The following HTR6 variants were observed in gnomAD, a reference collection of about 807,000 sequenced individuals.
HTR6 encodes the protein 5-hydroxytryptamine receptor 6, also known as 5-hydroxytryptamine (serotonin) receptor 6, G protein-coupled.
In HTR6, 15 loss-of-function variants were observed where a neutral mutation model predicts 17.4. The observed-to-expected ratio is 0.86, with a 90% CI of 0.58 to 1.33. The LOEUF is 1.33. Ranked by LOEUF, HTR6 falls within the 40% of genes most tolerant of loss-of-function variation. The pLI, the probability that HTR6 is intolerant of heterozygous loss-of-function variation, is 0.00. For missense variants in HTR6, 578 were observed against 616.0 expected (o/e 0.94, Z 0.65); for synonymous variants, 326 against 295.5 (o/e 1.10, Z -1.06).
Position 19,666,236 on chromosome 1 carries a change from C to T in HTR6, c.483C>T (p.Pro161=), listed in dbSNP as rs1485579179. Residue 161 remains proline, a synonymous_variant, in exon 1 of 3, where the codon CCC becomes CCT. Coordinates refer to ENST00000289753, the MANE Select transcript of HTR6 (RefSeq NM_000871.3). The surrounding 1 kb of genome is among the most constrained non-coding windows in gnomAD (Gnocchi z 4.5). Reference sequence around the variant, plus strand: ...TCGCCGCTCTCGCCTCCTTCCTGCCCCTGCTGCTGGGCTGGCACGAGCTGG... The same window carrying T: ...TCGCCGCTCTCGCCTCCTTCCTGCCTCTGCTGCTGGGCTGGCACGAGCTGG... ...WSLAALASFL[P]LLLGWHELGH... The T allele has an allele frequency of 6.2e-7, 1 of 1,609,088 alleles. No homozygotes were observed. The highest frequency in any genetic ancestry group is 8.5e-7 in the Non-Finnish European group (1 of 1,179,500).
At chr1:19,677,931 G>A (rs2095096334) in intron 1 of HTR6, among the ~76,000 whole-genome samples, 1 of 152,194 alleles carries the variant, frequency 6.6e-6, no homozygotes, top group South Asian at 2.1e-4. Context: ...GTAGAGGCAA[G>A]GTTTCACCCT....
At position 19,679,006 on chromosome 1, in the gene HTR6, CCACTCTT is replaced by C; in HGVS notation, c.964_970del (p.Leu322CysfsTer130). 6.2e-7 allele frequency: 1 copy of C among 1,614,180 alleles called. No individual in the cohort carries two copies. The highest frequency in any genetic ancestry group is 1.7e-5 in the Admixed American group (1 of 60,026). On this transcript the variant is annotated frameshift_variant, in exon 3 of 3. Transcript: ENST00000289753. LOFTEE classifies it low-confidence loss of function (END_TRUNC). This position sits in a 1 kb window ranked among gnomAD's most constrained non-coding sequence, Gnocchi z 4.9. ...CAGCACCATGAACCCCATCATCTAC[CCACTCTT>C]CATGCGGGACTTCAAGCGGGCGCTG...
rs2095098449 is a variant in HTR6, at chr1:19,679,198, G to GACGCAT, written c.1153_1154insACGCAT (p.Gly385delinsAspAlaCys). 8 of 1,571,906 alleles carry GACGCAT rather than the reference G, an allele frequency of 5.1e-6. No individual in the cohort carries two copies. The highest frequency in any genetic ancestry group is 6.9e-6 in the Non-Finnish European group (8 of 1,161,448). Reference sequence around the variant, plus strand: ...GGACTCAGATTCGGACTCAGACGCAGGCTCAGGCGGCTCCTCGGGCCTGCG... The same window carrying GACGCAT: ...GGACTCAGATTCGGACTCAGACGCAGACGCATGCTCAGGCGGCTCCTCGGGCCTGCG... On this transcript the variant is annotated protein_altering_variant, in exon 3 of 3. Coordinates refer to ENST00000289753, the MANE Select transcript of HTR6 (RefSeq NM_000871.3). The surrounding 1 kb of genome is among the most constrained non-coding windows in gnomAD (Gnocchi z 4.9).
intron 1 of HTR6, among the ~76,000 whole-genome samples, chr1:19,669,549 C>A (rs1458824828): frequency 6.6e-6 from 1 of 152,138 alleles, no homozygotes; most frequent in Non-Finnish European, 1.5e-5. Context: ...GGCAGTGATG[C>A]TCTTGAAATG....
rs769655924 is a variant in HTR6, at chr1:19,666,262, G to C, written c.509G>C (p.Gly170Ala). The C allele has an allele frequency of 6.2e-7, 1 of 1,609,814 alleles. No individual in the cohort carries two copies. The highest frequency in any genetic ancestry group is 8.5e-7 in the Non-Finnish European group (1 of 1,179,614). ...CTGCTGCTGGGCTGGCACGAGCTGGGCCACGCACGGCCACCCGTCCCTGGC... is the reference window on the plus strand; with the variant it reads ...CTGCTGCTGGGCTGGCACGAGCTGGCCCACGCACGGCCACCCGTCCCTGGC... ...LPLLLGWHEL[G>A]HARPPVPGQC... is the part of the protein sequence containing the mutation. Residue 170 changes from glycine (G) to alanine (A), a missense_variant, in exon 1 of 3, where the codon GGC becomes GCC. Gly to Ala is a moderately conservative substitution (Grantham distance 60, BLOSUM62 0). Coordinates refer to ENST00000289753, the MANE Select transcript of HTR6 (RefSeq NM_000871.3). This position sits in a 1 kb window ranked among gnomAD's most constrained non-coding sequence, Gnocchi z 4.5.
At position 19,665,949 on chromosome 1, in the gene HTR6, G is replaced by C; in HGVS notation, c.196G>C (p.Val66Leu). Residue 66 changes from valine (V) to leucine (L), a missense_variant, in exon 1 of 3, where the codon GTG (valine) becomes CTG (leucine). Val to Leu is a conservative substitution (Grantham distance 32). Transcript: ENST00000289753. This position sits in a 1 kb window ranked among gnomAD's most constrained non-coding sequence, Gnocchi z 4.2. ...ALRNTSNFFLVSLFTSDLMVG... is the reference protein window; with the variant it reads ...ALRNTSNFFLLSLFTSDLMVG... ...GCGCAACACGTCCAACTTCTTCCTG[G>C]TGTCGCTCTTCACGTCTGACCTGAT... The C allele has an allele frequency of 6.2e-7, 1 of 1,613,888 alleles. No homozygotes were observed. The highest frequency in any genetic ancestry group is 8.5e-7 in the Non-Finnish European group (1 of 1,179,886).
chr1:19,667,464 G>A (rs1462870777), intron 1 of HTR6, among the ~76,000 whole-genome samples: 1 of 151,830 alleles, frequency 6.6e-6, no homozygotes, highest in Non-Finnish European at 1.5e-5. Flanking sequence ...TGCCCAGGCT[G>A]GAGGGCAGTG....
At position 19,666,611 on chromosome 1, in the gene HTR6, C is replaced by G; in HGVS notation, c.714+144C>G. ...TGAGCGCCCACCTTTCTTCTGAACT[C>G]CAGAGCCAATGCCTGACCCACCCAC... On this transcript the variant is annotated intron_variant, in intron 1 of 2. Coordinates refer to ENST00000289753, the MANE Select transcript of HTR6 (RefSeq NM_000871.3). This position sits in a 1 kb window ranked among gnomAD's most constrained non-coding sequence, Gnocchi z 4.5. 3.1e-6 allele frequency: 2 copies of G among 645,856 alleles called. No homozygotes were observed. Among genetic ancestry groups the G allele is most frequent in the South Asian group, 2.0e-5 (1 of 50,784 alleles). 40.0% of individuals were successfully genotyped at this position (645,856 alleles called of 1,614,324 possible).
chr1:19,678,530 C>A, intron 1 of HTR6, 37 bp from the exon 2 acceptor site: 2 of 1,611,730 alleles, frequency 1.2e-6, no homozygotes, highest in Non-Finnish European at 1.7e-6. Flanking sequence ...GACGGGGGCC[C>A]TTTCTCAACG....
intron 1 of HTR6, among the ~76,000 whole-genome samples, chr1:19,671,308 T>C (rs1310784404): frequency 6.6e-6 from 1 of 152,188 alleles, no homozygotes; most frequent in Admixed American, 6.5e-5. Flanking sequence ...CAGGGGCCTC[T>C]CAAGCCAGAA....
chr1:19,679,286 C>A lies in HTR6; in HGVS notation c.1241C>A (p.Ala414Asp). ...ATQDPPLPTR[A>D]AAAVNFFNID... is the part of the protein sequence containing the mutation. ...CAGGACCCCCCGCTGCCCACCAGGG[C>A]CGCTGCCGCCGTCAATTTCTTCAAC... is the stretch of plus-strand genomic sequence containing the variant. The change falls in exon 3 of 3, where the codon GCC (alanine) becomes GAC (aspartate). Residue 414 changes from alanine (A) to aspartate (D), a missense_variant. Physicochemically the swap from Ala to Asp is moderately radical, Grantham distance 126. Transcript: ENST00000289753. This position sits in a 1 kb window ranked among gnomAD's most constrained non-coding sequence, Gnocchi z 4.9. The A allele has an allele frequency of 1.2e-6, 2 of 1,606,580 alleles. No individual in the cohort carries two copies. The highest frequency in any genetic ancestry group is 1.7e-6 in the Non-Finnish European group (2 of 1,177,792).
chr1:19,675,573 C>T (rs1222828162), intron 1 of HTR6, among the ~76,000 whole-genome samples: 1 of 152,110 alleles, frequency 6.6e-6, no homozygotes, highest in Non-Finnish European at 1.5e-5. Flanking sequence ...CATCTTCACC[C>T]CATTCTCTGG....
chr1:19,666,489 A>AC lies in HTR6; in HGVS notation c.714+25dup, dbSNP rs982966602. On this transcript the variant is annotated intron_variant, in intron 1 of 2. Coordinates refer to ENST00000289753, the MANE Select transcript of HTR6 (RefSeq NM_000871.3). The surrounding 1 kb of genome is among the most constrained non-coding windows in gnomAD (Gnocchi z 4.5). ...GCAGGTACCTGGGGTGCGCAGGGAG[A>AC]CCCGGGCTGTGGGATAGAGAGGAAT... The AC allele has an allele frequency of 1.9e-6, 3 of 1,556,858 alleles. No individual in the cohort carries two copies. The African/African-American group carries it at 4.1e-5, about 21-fold the overall frequency.
At chr1:19,678,816 G>A (rs1057339379) in intron 2 of HTR6, 91 bp downstream of exon 2, 2 of 1,558,494 alleles carry the variant, frequency 1.3e-6, no homozygotes, top group Non-Finnish European at 1.7e-6. Context: ...AGGGTAGGCT[G>A]CCTCTCGTGG....
intron 1 of HTR6, among the ~76,000 whole-genome samples, chr1:19,676,666 G>A (rs1305797017): frequency 6.6e-6 from 1 of 152,172 alleles, no homozygotes; most frequent in Non-Finnish European, 1.5e-5. Context: ...AGCAGAGTGG[G>A]GTGGGGTGTT....
In HTR6 at chr1:19,666,073, T is replaced by A; in HGVS notation, c.320T>A (p.Val107Glu). 1 of 1,613,086 alleles carries A rather than the reference T, an allele frequency of 6.2e-7. No homozygotes were observed. Among genetic ancestry groups the A allele is most frequent in the Non-Finnish European group, 8.5e-7 (1 of 1,179,838 alleles). ...TGCCTGCTCTGGACCGCCTTCGACG[T>A]GATGTGCTGCAGCGCCTCCATCCTC... ...GLCLLWTAFDVMCCSASILNL... is the reference protein window; with the variant it reads ...GLCLLWTAFDEMCCSASILNL... The change falls in exon 1 of 3, where the codon GTG (valine) becomes GAG (glutamate). Residue 107 changes from valine to glutamate, a missense_variant. Val to Glu is a moderately radical substitution (Grantham distance 121). Coordinates refer to ENST00000289753, the MANE Select transcript of HTR6 (RefSeq NM_000871.3). The surrounding 1 kb of genome is among the most constrained non-coding windows in gnomAD (Gnocchi z 4.5).
Position 19,666,143 on chromosome 1 carries a change from GC to G in HTR6, c.392del (p.Pro131ArgfsTer8). The G allele has an allele frequency of 1.2e-6, 2 of 1,611,828 alleles. No individual in the cohort carries two copies. The highest frequency in any genetic ancestry group is 1.7e-6 in the Non-Finnish European group (2 of 1,179,890). ...TGGACCGCTACCTGCTCATCCTCTCGCCGCTGCGCTACAAGCTGCGCATGAC... is the reference window on the plus strand; with the variant it reads ...TGGACCGCTACCTGCTCATCCTCTCGCGCTGCGCTACAAGCTGCGCATGAC... ...SLDRYLLILS[P>X]LRYKLRMTPL... On this transcript the variant is annotated frameshift_variant, in exon 1 of 3. Transcript: ENST00000289753. LOFTEE classifies it high-confidence loss of function. The surrounding 1 kb of genome is among the most constrained non-coding windows in gnomAD (Gnocchi z 4.5).
chr1:19,679,065 T>C lies in HTR6; in HGVS notation c.1020T>C (p.Cys340=), dbSNP rs1489074014. ...ALGRFLPCPR[C]PRERQASLAS... is the part of the protein sequence containing the mutation. ...GCAGGTTCCTGCCATGTCCACGCTG[T>C]CCCCGGGAGCGCCAGGCCAGCCTGG... The change falls in exon 3 of 3, where the codon TGT becomes TGC. Residue 340 remains cysteine (C), a synonymous_variant. Transcript: ENST00000289753. This position sits in a 1 kb window ranked among gnomAD's most constrained non-coding sequence, Gnocchi z 4.9. 1.9e-6 allele frequency: 3 copies of C among 1,613,988 alleles called. No homozygotes were observed. Among genetic ancestry groups the C allele is most frequent in the Admixed American group, 3.3e-5 (2 of 60,024 alleles).
intron 1 of HTR6, among the ~76,000 whole-genome samples, chr1:19,670,628 T>A (rs574800517): frequency 6.6e-6 from 1 of 152,192 alleles, no homozygotes; most frequent in South Asian, 2.1e-4. Flanking sequence ...CACACCGGGC[T>A]AATTTTTTGT....
Sources: gnomAD v4.1 joint callset for allele counts (sites outside exome capture counted in the v4.1 genomes callset) on GRCh38, gnomAD v4.1.1 for gene constraint, Gnocchi (gnomAD v3.1) non-coding constraint, MANE v1.5 for transcripts, NCBI Gene and HGNC (gene_info 2026-07-23, HGNC 2026-07-21) for gene names.